The following SHC3 variants were observed in gnomAD, a reference collection of about 807,000 sequenced individuals.
The protein encoded by SHC3 is SHC adaptor protein 3, also known as SHC-transforming protein 3.
SHC3 carries 15 observed loss-of-function variants against 60.4 expected under a neutral mutation model. The ratio of observed to expected loss-of-function variants is 0.25; its 90% CI spans 0.17 to 0.38. SHC3 has a LOEUF of 0.38. Among genes scored for constraint, SHC3 ranks in the 10% least tolerant of loss-of-function variants. The pLI is 1.00. For synonymous variants in SHC3, 294 were observed against 325.9 expected, an observed-to-expected ratio of 0.90 and a Z score of 1.05; for missense variants, 677 against 786.1, an observed-to-expected ratio of 0.86 and a Z score of 1.66.
intron 6 of SHC3, among the ~76,000 whole-genome samples, chr9:89,061,806 G>C (rs991656896): frequency 3.9e-5 from 6 of 152,136 alleles, no homozygotes; most frequent in African/African-American, 7.2e-5. Context: ...GTGAATCCTC[G>C]CTCTGTCCCA....
intron 1 of SHC3, among the ~76,000 whole-genome samples, chr9:89,163,284 C>T (rs1296722891): frequency 2.0e-5 from 3 of 152,160 alleles, no homozygotes; most frequent in African/African-American, 4.8e-5. Flanking sequence ...GCTATAAAGA[C>T]ACATGCACAT....
At chr9:89,101,357 T>C (rs1825780257) in intron 2 of SHC3, among the ~76,000 whole-genome samples, 1 of 152,156 alleles carries the variant, frequency 6.6e-6, no homozygotes, top group African/African-American at 2.4e-5. Flanking sequence ...AAAAAAAAGA[T>C]ACTTTTACTT....
At chr9:89,017,882 C>T (rs1017807782) in intron 11 of SHC3, among the ~76,000 whole-genome samples, 4 of 152,124 alleles carry the variant, frequency 2.6e-5, no homozygotes, top group East Asian at 3.8e-4. Context: ...AGCCAACAAA[C>T]GTATGAAAAG....
intron 4 of SHC3, 61 bp from the exon 5 acceptor site, chr9:89,071,313 AG>A (rs1197066556): frequency 1.3e-6 from 2 of 1,568,022 alleles, no homozygotes; most frequent in African/African-American, 2.7e-5. Context: ...ATTTTGGAAA[AG>A]CAACTGTTTG....
chr9:89,159,635 C>T (rs1826675325), intron 1 of SHC3, among the ~76,000 whole-genome samples: 1 of 152,162 alleles, frequency 6.6e-6, no homozygotes, highest in South Asian at 2.1e-4. Flanking sequence ...CAAGGTCCCA[C>T]AATAGGCTGC....
chr9:89,166,500 G>A (rs1223599400), intron 1 of SHC3, among the ~76,000 whole-genome samples: 2 of 152,240 alleles, frequency 1.3e-5, no homozygotes, highest in African/African-American at 4.8e-5. Context: ...AAGAACCAAA[G>A]GAGAAAACGC....
At chr9:89,168,235 G>A (rs1321774607) in intron 1 of SHC3, among the ~76,000 whole-genome samples, 1 of 152,218 alleles carries the variant, frequency 6.6e-6, no homozygotes, top group Non-Finnish European at 1.5e-5. Flanking sequence ...GGAGGCTGAG[G>A]CAGGTGGATC....
chr9:89,086,901 G>T (rs527730794), intron 2 of SHC3, among the ~76,000 whole-genome samples: 2 of 152,138 alleles, frequency 1.3e-5, no homozygotes, highest in African/African-American at 4.8e-5. Context: ...TCTTTCAGTC[G>T]TTGGGGGCAC....
intron 2 of SHC3, among the ~76,000 whole-genome samples, chr9:89,108,177 G>A (rs890869553): frequency 2.6e-5 from 4 of 152,082 alleles, no homozygotes; most frequent in East Asian, 1.9e-4. Flanking sequence ...TGCACTCTAC[G>A]ATGTTCACAC....
chr9:89,116,831 C>A (rs1826026037), intron 1 of SHC3, among the ~76,000 whole-genome samples: 1 of 152,140 alleles, frequency 6.6e-6, no homozygotes, highest in Non-Finnish European at 1.5e-5. Flanking sequence ...GTAAGTACCA[C>A]CGACACCATA....
At chr9:89,108,540 TACACACAC>T (rs141450227) in intron 2 of SHC3, among the ~76,000 whole-genome samples, 7 of 148,042 alleles carry the variant, frequency 4.7e-5, no homozygotes, top group Admixed American at 4.7e-4. Flanking sequence ...TGCATATACA[TACACACAC>T]ACACACACAC....
At chr9:89,147,521 T>C (rs541124855) in intron 1 of SHC3, among the ~76,000 whole-genome samples, 30 of 151,906 alleles carry the variant, frequency 2.0e-4, no homozygotes, top group Non-Finnish European at 3.7e-4. Flanking sequence ...CTTCCCCTTC[T>C]CCACTTCTCA....
chr9:89,163,540 A>T (rs1337458152), intron 1 of SHC3, among the ~76,000 whole-genome samples: 16 of 138,062 alleles, frequency 1.2e-4, no homozygotes, highest in Non-Finnish European at 2.4e-4. Context: ...TGGGAATTGA[A>T]CAATGAGATC....
chr9:89,075,296 T>C, intron 3 of SHC3, 68 bp from the exon 4 acceptor site: 1 of 1,577,424 alleles, frequency 6.3e-7, no homozygotes, highest in Non-Finnish European at 8.6e-7. Flanking sequence ...TGTGGATGCC[T>C]GCCATACCCC....
intron 1 of SHC3, among the ~76,000 whole-genome samples, chr9:89,156,661 G>C (rs1826627978): frequency 6.6e-6 from 1 of 152,130 alleles, no homozygotes; most frequent in African/African-American, 2.4e-5. Context: ...ATGTCCCTGA[G>C]TTGTTTTCCA....
chr9:89,138,433 A>G (rs2118185225), intron 1 of SHC3, among the ~76,000 whole-genome samples: 1 of 152,288 alleles, frequency 6.6e-6, no homozygotes, highest in South Asian at 2.1e-4. Flanking sequence ...TTGCCATGGC[A>G]TTCGTGAACT....
intron 9 of SHC3, among the ~76,000 whole-genome samples, chr9:89,043,047 A>G (rs957878325): frequency 6.6e-6 from 1 of 152,100 alleles, no homozygotes; most frequent in African/African-American, 2.4e-5. Flanking sequence ...TTACGTAAAC[A>G]TGTTCGCAAG....
intron 11 of SHC3, among the ~76,000 whole-genome samples, chr9:89,033,412 TC>T (rs1745980907): frequency 6.6e-6 from 1 of 152,196 alleles, no homozygotes; most frequent in Non-Finnish European, 1.5e-5. Context: ...GGGTATCTTC[TC>T]CCCTATTTTC....
intron 10 of SHC3, 66 bp downstream of exon 10, chr9:89,041,960 C>T: frequency 1.3e-6 from 2 of 1,589,700 alleles, no homozygotes; most frequent in East Asian, 4.5e-5. Flanking sequence ...ACACAGATTT[C>T]AAATAAAAGG....
Sources: allele counts gnomAD v4.1 joint callset (sites outside exome capture counted in the v4.1 genomes callset), GRCh38; gene constraint gnomAD v4.1.1; transcripts MANE v1.5; gene names NCBI Gene and HGNC (gene_info 2026-07-23, HGNC 2026-07-21).